Variants in PPP1R9A observed in about 807,000 individuals in gnomAD.
The protein encoded by PPP1R9A is neurabin-1.
A neutral mutation model predicts 141.9 loss-of-function variants in PPP1R9A; 59 were observed. That is an observed-to-expected ratio of 0.42 (90% CI 0.34 to 0.52). PPP1R9A has a LOEUF of 0.52. Ranked by LOEUF, PPP1R9A falls within the 20% of genes least tolerant of loss-of-function variation. PPP1R9A has a pLI of 0.10. For synonymous variants in PPP1R9A, 500 were observed against 569.7 expected (o/e 0.88, Z 1.74); for missense variants, 1,444 against 1,611.9 (o/e 0.90, Z 1.78).
intron 4 of PPP1R9A, among the ~76,000 whole-genome samples, chr7:95,128,484 A>G (rs1290161052): frequency 2.0e-5 from 3 of 152,068 alleles, no homozygotes; most frequent in Admixed American, 1.3e-4. Flanking sequence ...TCTGTTGATA[A>G]TTTATTTTGC....
intron 2 of PPP1R9A, among the ~76,000 whole-genome samples, chr7:94,961,923 A>G (rs192194018): frequency 6.6e-6 from 1 of 151,934 alleles, no homozygotes; most frequent in East Asian, 1.9e-4. Context: ...TAAATATTTC[A>G]ATGCCTACTA....
chr7:95,211,525 C>T (rs139813382), intron 7 of PPP1R9A, among the ~76,000 whole-genome samples: 1 of 152,242 alleles, frequency 6.6e-6, no homozygotes, highest in African/African-American at 2.4e-5. Context: ...ATGCAGACAC[C>T]AGAATGGACA....
At chr7:94,929,302 T>C (rs1307525202) in intron 2 of PPP1R9A, among the ~76,000 whole-genome samples, 3 of 151,584 alleles carry the variant, frequency 2.0e-5, no homozygotes, top group African/African-American at 7.3e-5. Context: ...GTACTGAGAG[T>C]TGCATTGCAA....
At chr7:94,955,607 T>G (rs994250999) in intron 2 of PPP1R9A, among the ~76,000 whole-genome samples, 2 of 152,178 alleles carry the variant, frequency 1.3e-5, no homozygotes, top group African/African-American at 4.8e-5. Context: ...GAAACGGGTA[T>G]AGCTATTCTC....
chr7:94,941,253 T>A (rs1795307647), intron 2 of PPP1R9A, among the ~76,000 whole-genome samples: 1 of 152,064 alleles, frequency 6.6e-6, no homozygotes, highest in Non-Finnish European at 1.5e-5. Context: ...TAGTAACAAA[T>A]GGACAAAGCA....
chr7:95,165,315 T>C (rs1208629924), intron 5 of PPP1R9A, among the ~76,000 whole-genome samples: 1 of 152,228 alleles, frequency 6.6e-6, no homozygotes, highest in Admixed American at 6.5e-5. Flanking sequence ...TCCTGCTCTT[T>C]TGGATCACCA....
chr7:95,011,074 AT>A (rs1804349462), intron 2 of PPP1R9A, among the ~76,000 whole-genome samples: 2 of 152,164 alleles, frequency 1.3e-5, no homozygotes, highest in Non-Finnish European at 2.9e-5. Flanking sequence ...GCCTTTCAGA[AT>A]TCAGCCTTTC....
intron 4 of PPP1R9A, among the ~76,000 whole-genome samples, chr7:95,154,115 G>T (rs1237395430): frequency 1.3e-5 from 2 of 149,836 alleles, no homozygotes; most frequent in African/African-American, 2.5e-5. Context: ...TTTAGTTGTG[G>T]TTTTTTTCTT....
At chr7:94,979,811 A>G (rs889797164) in intron 2 of PPP1R9A, among the ~76,000 whole-genome samples, 1 of 152,198 alleles carries the variant, frequency 6.6e-6, no homozygotes, top group African/African-American at 2.4e-5. Flanking sequence ...TGAAAGCCAA[A>G]TGCTAGTTTG....
At chr7:95,185,782 G>T (rs1264405942) in intron 5 of PPP1R9A, among the ~76,000 whole-genome samples, 1 of 152,058 alleles carries the variant, frequency 6.6e-6, no homozygotes, top group Non-Finnish European at 1.5e-5. Context: ...GTTGAATAGG[G>T]TATCCTTTCC....
At chr7:94,931,176 A>C (rs1794111208) in intron 2 of PPP1R9A, among the ~76,000 whole-genome samples, 1 of 152,140 alleles carries the variant, frequency 6.6e-6, no homozygotes, top group South Asian at 2.1e-4. Flanking sequence ...GAATGAAGTA[A>C]TTTCTCTTTC....
At chr7:95,083,922 T>C (rs1036949794) in intron 2 of PPP1R9A, among the ~76,000 whole-genome samples, 2 of 151,974 alleles carry the variant, frequency 1.3e-5, no homozygotes, top group African/African-American at 4.8e-5. Flanking sequence ...ATAATCACAT[T>C]GCTTAAAATC....
intron 2 of PPP1R9A, among the ~76,000 whole-genome samples, chr7:95,089,162 A>G (rs925314373): frequency 6.6e-6 from 1 of 152,084 alleles, no homozygotes; most frequent in African/African-American, 2.4e-5. Flanking sequence ...AAACCAAAAT[A>G]TGAGAATCTT....
intron 2 of PPP1R9A, among the ~76,000 whole-genome samples, chr7:94,935,180 A>T (rs185310488): frequency 1.3e-5 from 2 of 152,274 alleles, no homozygotes; most frequent in Admixed American, 6.5e-5. Flanking sequence ...AGTCATTTTC[A>T]CTGCCTGAAA....
At chr7:95,200,615 G>A (rs1454456919) in intron 6 of PPP1R9A, among the ~76,000 whole-genome samples, 2 of 151,964 alleles carry the variant, frequency 1.3e-5, no homozygotes, top group African/African-American at 4.8e-5. Flanking sequence ...GGAATAGATG[G>A]AAAAAGAATA....
In PPP1R9A at chr7:95,161,975, A is replaced by C. The variant is rs758711170; in HGVS notation, c.1754+4A>C. 5 of 1,579,432 alleles carry C rather than the reference A, an allele frequency of 3.2e-6. No individual in the cohort carries two copies. The highest frequency in any genetic ancestry group is 4.3e-6 in the Non-Finnish European group (5 of 1,152,218). On this transcript the variant is annotated splice_donor_region_variant and intron_variant, in intron 5 of 19. Coordinates refer to ENST00000433360, the MANE Select transcript of PPP1R9A (RefSeq NM_001166160.2). ...GAAACACCAAGGGCAACGTCAGGTA[A>C]ATACGTGCCTTCTAATATACACCAT...
chr7:95,258,975 G>A (rs1800023656), intron 12 of PPP1R9A, among the ~76,000 whole-genome samples: 1 of 152,074 alleles, frequency 6.6e-6, no homozygotes, highest in Admixed American at 6.6e-5. Context: ...TATACCAAAA[G>A]GCATATTCAA....
chr7:95,260,231 A>C (rs1800221168), intron 12 of PPP1R9A, among the ~76,000 whole-genome samples: 1 of 152,216 alleles, frequency 6.6e-6, no homozygotes, highest in Non-Finnish European at 1.5e-5. Context: ...CTTGTAAACT[A>C]TTAAAACTTT....
At chr7:95,025,980 C>G (rs1806777850) in intron 2 of PPP1R9A, among the ~76,000 whole-genome samples, 1 of 152,096 alleles carries the variant, frequency 6.6e-6, no homozygotes, top group African/African-American at 2.4e-5. Flanking sequence ...TTCCTCTGTC[C>G]TTTTATCAAG....
Sources: gnomAD v4.1 joint callset for allele counts (sites outside exome capture counted in the v4.1 genomes callset) on GRCh38, gnomAD v4.1.1 for gene constraint, MANE v1.5 for transcripts, NCBI Gene and HGNC (gene_info 2026-07-23, HGNC 2026-07-21) for gene names.